Variants in MTUS2 observed in about 807,000 individuals in gnomAD.
The protein encoded by MTUS2 is microtubule associated scaffold protein 2.
A neutral mutation model predicts 114.1 loss-of-function variants in MTUS2; 40 were observed. The ratio of observed to expected loss-of-function variants is 0.35; its 90% CI spans 0.27 to 0.46. MTUS2 has a LOEUF of 0.46. Among genes scored for constraint, MTUS2 ranks in the 20% least tolerant of loss-of-function variants. MTUS2 has a pLI of 1.00. For missense variants in MTUS2, 1,679 were observed against 1,705.4 expected, an observed-to-expected ratio of 0.98 and a Z score of 0.27; for synonymous variants, 688 against 672.0, an observed-to-expected ratio of 1.02 and a Z score of -0.37.
intron 5 of MTUS2, among the ~76,000 whole-genome samples, chr13:29,234,183 T>A (rs1479656715): frequency 1.3e-5 from 2 of 152,152 alleles, no homozygotes; most frequent in Non-Finnish European, 2.9e-5. Flanking sequence ...AATAATTGAT[T>A]TCGATTTTTC....
intron 2 of MTUS2, among the ~76,000 whole-genome samples, chr13:28,982,275 C>G (rs766806080): frequency 4.6e-5 from 7 of 151,792 alleles, no homozygotes; most frequent in Non-Finnish European, 1.0e-4. Context: ...CTCAACATCA[C>G]TAGTCATTAG....
chr13:29,016,527 C>G (rs1000360493), intron 2 of MTUS2, among the ~76,000 whole-genome samples: 1 of 152,054 alleles, frequency 6.6e-6, no homozygotes, highest in African/African-American at 2.4e-5. Context: ...TACCCCCTTT[C>G]CTGGTCCTCT....
At chr13:29,211,362 A>G (rs1296562148) in intron 5 of MTUS2, among the ~76,000 whole-genome samples, 1 of 152,292 alleles carries the variant, frequency 6.6e-6, no homozygotes, top group East Asian at 1.9e-4. Context: ...CCAGGCTACA[A>G]GCCTCCCTGC....
chr13:28,957,069 C>T (rs373258340), intron 2 of MTUS2, among the ~76,000 whole-genome samples: 3 of 152,192 alleles, frequency 2.0e-5, no homozygotes, highest in South Asian at 4.1e-4. Context: ...CTGGAGCTTG[C>T]ACCTGCCTTT....
At chr13:29,136,817 A>G (rs1462961851) in intron 5 of MTUS2, among the ~76,000 whole-genome samples, 1 of 152,228 alleles carries the variant, frequency 6.6e-6, no homozygotes, top group East Asian at 1.9e-4. Flanking sequence ...CCCAAGGAGG[A>G]TATCATGAAC....
At chr13:29,211,617 C>T (rs1357265303) in intron 5 of MTUS2, among the ~76,000 whole-genome samples, 5 of 152,172 alleles carry the variant, frequency 3.3e-5, no homozygotes, top group Admixed American at 1.3e-4. Flanking sequence ...AGAGTGCCCA[C>T]GGAACTCTTC....
intron 2 of MTUS2, among the ~76,000 whole-genome samples, chr13:28,874,270 G>C (rs1877800548): frequency 6.6e-6 from 1 of 151,978 alleles, no homozygotes; most frequent in Non-Finnish European, 1.5e-5. Context: ...CAAAGTGCAG[G>C]ATTACAGGCA....
intron 2 of MTUS2, among the ~76,000 whole-genome samples, chr13:28,940,039 A>C (rs919336795): frequency 1.3e-5 from 2 of 152,104 alleles, no homozygotes; most frequent in Admixed American, 1.3e-4. Context: ...TGACTCAGTT[A>C]CCTCCCACTG....
At chr13:29,376,061 A>G (rs192521351) in intron 8 of MTUS2, among the ~76,000 whole-genome samples, 3,744 of 150,102 alleles carry the variant, frequency 0.025, 70 homozygotes, top group South Asian at 0.049. Flanking sequence ...GTGTGTGTGT[A>G]TATATATTTA....
At chr13:29,432,010 A>ATTTTT (rs57182093) in intron 8 of MTUS2, among the ~76,000 whole-genome samples, 2 of 81,060 alleles carry the variant, frequency 2.5e-5, no homozygotes, top group African/African-American at 8.4e-5. Flanking sequence ...ACGCTCAGCT[A>ATTTTT]TTTTTTTTTT....
intron 4 of MTUS2, among the ~76,000 whole-genome samples, chr13:29,044,897 T>G (rs1013306247): frequency 6.6e-6 from 1 of 152,206 alleles, no homozygotes. Flanking sequence ...TCTCATGTGC[T>G]TGTGGTACTA....
At chr13:29,372,172 C>A (rs184446849) in intron 8 of MTUS2, among the ~76,000 whole-genome samples, 4 of 151,520 alleles carry the variant, frequency 2.6e-5, no homozygotes, top group Non-Finnish European at 5.9e-5. Context: ...TCACGAGGGT[C>A]CCCTGCCTCC....
At position 29,371,365 on chromosome 13, in the gene MTUS2, C is replaced by T. The variant is rs188402380; in HGVS notation, c.3117+11892C>T. On this transcript the variant is annotated intron_variant, in intron 8 of 15. Coordinates refer to ENST00000612955, the MANE Select transcript of MTUS2 (RefSeq NM_001033602.4). The stretch of plus-strand genomic sequence containing the variant: ...CCTGAGTAGCTGGGATTACAGGCGC[C>T]CGCCACCATGCCCAACTAATTTTTG... Among the ~76,000 whole-genome samples the T allele has an allele frequency of 1.2e-4, 18 of 146,796 alleles. No homozygotes were observed. The East Asian group carries it at 3.6e-3, about 29-fold the overall frequency.
intron 8 of MTUS2, among the ~76,000 whole-genome samples, chr13:29,375,607 ACGT>A (rs1329821409): frequency 0.69 from 22,377 of 32,468 alleles, 7,988 homozygotes; most frequent in East Asian, 0.8. Context: ...ATATATATAT[ACGT>A]ATATATATAT....
intron 5 of MTUS2, among the ~76,000 whole-genome samples, chr13:29,111,772 T>C (rs1157580308): frequency 6.6e-6 from 1 of 152,110 alleles, no homozygotes; most frequent in Non-Finnish European, 1.5e-5. Context: ...TTGATATATT[T>C]TTTTTTTTGC....
intron 6 of MTUS2, among the ~76,000 whole-genome samples, chr13:29,315,724 G>A (rs1473020388): frequency 6.6e-6 from 1 of 152,158 alleles, no homozygotes; most frequent in African/African-American, 2.4e-5. Flanking sequence ...TAATAAGGTA[G>A]TAGAAGTAAA....
At chr13:28,953,751 G>T (rs1225652099) in intron 2 of MTUS2, among the ~76,000 whole-genome samples, 3 of 152,090 alleles carry the variant, frequency 2.0e-5, no homozygotes, top group Non-Finnish European at 4.4e-5. Context: ...GAGCCTATTG[G>T]CTTATTTTTG....
At chr13:29,136,504 T>C (rs562452218) in intron 5 of MTUS2, among the ~76,000 whole-genome samples, 1 of 152,306 alleles carries the variant, frequency 6.6e-6, no homozygotes, top group African/African-American at 2.4e-5. Context: ...CTGCAGCCTC[T>C]GGGCAGGGGA....
In MTUS2 at chr13:28,839,858, C is replaced by G. The variant is rs975213632; in HGVS notation, c.-243+8C>G. The stretch of plus-strand genomic sequence containing the variant: ...CATTTTCTGGGGAATAGGGTGAGTT[C>G]ATGTGGATTTCTACCTGATTTATTA... On this transcript the variant is annotated splice_region_variant and intron_variant, in intron 2 of 15. Coordinates refer to ENST00000612955, the MANE Select transcript of MTUS2 (RefSeq NM_001033602.4). 1 of 151,926 alleles carries G rather than the reference C, an allele frequency of 6.6e-6. No homozygotes were observed. The highest frequency in any genetic ancestry group is 2.4e-5 in the African/African-American group (1 of 41,374). The allele number at this position is 151,926 out of a possible 1,614,324, so 9.4% of individuals were successfully genotyped here. A position where few individuals can be genotyped will look rare whatever the true frequency, so the allele number is the denominator to read the frequency against.
Sources: allele counts gnomAD v4.1 joint callset (sites outside exome capture counted in the v4.1 genomes callset), GRCh38; gene constraint gnomAD v4.1.1; transcripts MANE v1.5; gene names NCBI Gene and HGNC (gene_info 2026-07-23, HGNC 2026-07-21).